DGKD: variants seen among roughly 807,000 people sequenced by gnomAD.
DGKD encodes DAG kinase delta.
In DGKD, 68 loss-of-function variants were observed where a neutral mutation model predicts 154.4. That is an observed-to-expected ratio of 0.44 (90% CI 0.36 to 0.54). The LOEUF is 0.54. Ranked by LOEUF, DGKD falls within the 20% of genes least tolerant of loss-of-function variation. The pLI is 0.00. For missense variants in DGKD, 1,343 were observed against 1,593.6 expected, an observed-to-expected ratio of 0.84 and a Z score of 2.68; for synonymous variants, 693 against 638.0, an observed-to-expected ratio of 1.09 and a Z score of -1.30.
chr2:233,443,982 C>T lies in DGKD; in HGVS notation c.1195-1641C>T, dbSNP rs184225470. 1.9e-4 allele frequency among the ~76,000 whole-genome samples: 29 copies of T among 152,234 alleles called. No individual in the cohort carries two copies. In the East Asian group the frequency reaches 1.9e-3, roughly 10 times the overall value. On this transcript the variant is annotated intron_variant, in intron 10 of 29. Coordinates refer to ENST00000264057, the MANE Select transcript of DGKD (RefSeq NM_152879.3). ...TCCATGGTGGCCTCTCCCTCCTTAC[C>T]CTTCCCTTAACGCTGTGTCCTCAGA...
intron 3 of DGKD, among the ~76,000 whole-genome samples, chr2:233,393,127 C>T (rs1355662517): frequency 2.0e-5 from 3 of 151,986 alleles, no homozygotes; most frequent in Admixed American, 1.3e-4. Flanking sequence ...TGTGTTCAAG[C>T]GATTCTTCTG....
intron 1 of DGKD, among the ~76,000 whole-genome samples, chr2:233,363,274 G>A (rs1304893007): frequency 6.6e-6 from 1 of 152,108 alleles, no homozygotes; most frequent in African/African-American, 2.4e-5. Context: ...CTGACTCTGT[G>A]TAGGTCTAGG....
chr2:233,458,275 C>T lies in DGKD; in HGVS notation c.2581-9C>T. On this transcript the variant is annotated splice_polypyrimidine_tract_variant and intron_variant, in intron 21 of 29. Coordinates refer to ENST00000264057, the MANE Select transcript of DGKD (RefSeq NM_152879.3). This position sits in a 1 kb window ranked among gnomAD's most constrained non-coding sequence, Gnocchi z 6.6. The stretch of plus-strand genomic sequence containing the variant: ...GGAGTGGTGGTCAGCTCTAACGTGT[C>T]CCTTGCAGACTTTCGCAGCTCCATC... The T allele has an allele frequency of 6.2e-7, 1 of 1,600,396 alleles. No homozygotes were observed. Among genetic ancestry groups the T allele is most frequent in the Non-Finnish European group, 8.6e-7 (1 of 1,168,992 alleles).
rs1702213583 is a variant in DGKD, at chr2:233,369,676, G to C, written c.156+15002G>C. 2.0e-5 allele frequency among the ~76,000 whole-genome samples: 3 copies of C among 152,300 alleles called. No individual in the cohort carries two copies. In the South Asian group the frequency reaches 6.2e-4, roughly 32 times the overall value. On this transcript the variant is annotated intron_variant, in intron 1 of 29. Coordinates refer to ENST00000264057, the MANE Select transcript of DGKD (RefSeq NM_152879.3). ...TTGAATTGCTGTTTCCTGGGGACTT[G>C]GCTGGGCACAATCTGGGGCTGGCCG...
chr2:233,424,678 C>T (rs1042507324), intron 3 of DGKD, among the ~76,000 whole-genome samples: 3 of 152,242 alleles, frequency 2.0e-5, no homozygotes, highest in Admixed American at 6.5e-5. Context: ...CGCCTGGAGC[C>T]CCCCTGCCTG....
chr2:233,462,593 G>A (rs767122759), intron 25 of DGKD, 50 bp from the exon 26 acceptor site: 18 of 1,577,664 alleles, frequency 1.1e-5, no homozygotes, highest in African/African-American at 9.5e-5. Flanking sequence ...GCCCCTAACC[G>A]TGCATGTTCG....
At chr2:233,409,255 G>A (rs968579533) in intron 3 of DGKD, among the ~76,000 whole-genome samples, 2 of 152,224 alleles carry the variant, frequency 1.3e-5, no homozygotes, top group African/African-American at 2.4e-5. Context: ...TTATGAACAA[G>A]TGTAGCGTAC....
chr2:233,433,387 A>AG, intron 3 of DGKD, among the ~76,000 whole-genome samples: 1 of 152,322 alleles, frequency 6.6e-6, no homozygotes, highest in East Asian at 1.9e-4. Context: ...TAATAAAAAA[A>AG]AAAAGAAAAC....
At chr2:233,380,608 G>T (rs1005756748) in intron 1 of DGKD, among the ~76,000 whole-genome samples, 2 of 152,036 alleles carry the variant, frequency 1.3e-5, no homozygotes, top group Non-Finnish European at 2.9e-5. Flanking sequence ...ATGATGAAAG[G>T]TCCCCCGCGA....
intron 24 of DGKD, 98 bp downstream of exon 24, chr2:233,460,443 A>G (rs984229252): frequency 6.8e-6 from 10 of 1,472,150 alleles, no homozygotes; most frequent in African/African-American, 5.6e-5. Context: ...GCTGCTCCTG[A>G]CTTTTGTGGG....
chr2:233,440,158 T>G lies in DGKD; in HGVS notation c.1086-1729T>G, dbSNP rs2062838657. Among the ~76,000 whole-genome samples, 1 of 152,062 alleles carries G rather than the reference T, an allele frequency of 6.6e-6. No individual in the cohort carries two copies. Among genetic ancestry groups the G allele is most frequent in the Non-Finnish European group, 1.5e-5 (1 of 67,994 alleles). On this transcript the variant is annotated intron_variant, in intron 9 of 29. Transcript: ENST00000264057. The surrounding 1 kb of genome is among the most constrained non-coding windows in gnomAD (Gnocchi z 4.9). Reference sequence around the variant, plus strand: ...CCACAGCGGCGTAAGGGGAGTTGAGTCGTCATTTACCATTTCTGGAAGCAG... The same window carrying G: ...CCACAGCGGCGTAAGGGGAGTTGAGGCGTCATTTACCATTTCTGGAAGCAG...
At chr2:233,454,656 A>G (rs1256683693) in intron 18 of DGKD, 107 bp from the exon 19 acceptor site, 3 of 664,724 alleles carry the variant, frequency 4.5e-6, no homozygotes, top group Non-Finnish European at 2.7e-6. Flanking sequence ...ACAAAAAAGA[A>G]AAAGTTACCA....
chr2:233,363,796 A>G (rs959793890), intron 1 of DGKD, among the ~76,000 whole-genome samples: 2 of 152,248 alleles, frequency 1.3e-5, no homozygotes, highest in Non-Finnish European at 2.9e-5. Context: ...ATAGTTGCCT[A>G]CAGTGTCAGC....
intron 3 of DGKD, chr2:233,419,242 T>C: frequency 1.0e-6 from 1 of 985,704 alleles, no homozygotes; most frequent in Non-Finnish European, 1.2e-6. Flanking sequence ...CCTTTGCCCC[T>C]CTTTTGGTTG....
intron 1 of DGKD, among the ~76,000 whole-genome samples, chr2:233,365,835 C>A (rs1299030161): frequency 6.6e-6 from 1 of 152,076 alleles, no homozygotes; most frequent in Admixed American, 6.5e-5. Context: ...TGAACAATAG[C>A]AAATATGTAT....
intron 3 of DGKD, among the ~76,000 whole-genome samples, chr2:233,395,660 T>C (rs1575035251): frequency 6.7e-6 from 1 of 149,726 alleles, no homozygotes; most frequent in Middle Eastern, 3.4e-3. Context: ...CTTTCCTTTT[T>C]CCTTTTTTTT....
rs2062904683 is a variant in DGKD, at chr2:233,441,896, A to G, written c.1095A>G (p.Leu365=). 2.5e-6 allele frequency: 4 copies of G among 1,613,630 alleles called. 1 individual carries two copies. The highest frequency in any genetic ancestry group is 2.2e-5 in the South Asian group (2 of 91,072). ...TCTCTTTTCTCTGCAGCTTACGGTT[A>G]TTCCAGAAGTTTGACACATTCCGGA... ...MNGGPHLGLR[L]FQKFDTFRIL... The change falls in exon 10 of 30, where the codon TTA becomes TTG. Residue 365 remains leucine (L), a synonymous_variant. Transcript: ENST00000264057. This position sits in a 1 kb window ranked among gnomAD's most constrained non-coding sequence, Gnocchi z 5.6.
chr2:233,419,456 G>C, intron 3 of DGKD: 1 of 985,440 alleles, frequency 1.0e-6, no homozygotes, highest in Non-Finnish European at 1.2e-6. Flanking sequence ...CCATCATACT[G>C]GGAGGCTGTT....
At chr2:233,454,040 G>T (rs960188080) in intron 18 of DGKD, among the ~76,000 whole-genome samples, 1 of 152,234 alleles carries the variant, frequency 6.6e-6, no homozygotes, top group Non-Finnish European at 1.5e-5. Context: ...TGCTGCTGGT[G>T]GAGTGTAAGA....
Sources: gnomAD v4.1 joint callset for allele counts (sites outside exome capture counted in the v4.1 genomes callset) on GRCh38, gnomAD v4.1.1 for gene constraint, Gnocchi (gnomAD v3.1) non-coding constraint, MANE v1.5 for transcripts, NCBI Gene and HGNC (gene_info 2026-07-23, HGNC 2026-07-21) for gene names.